FRK: variants seen among roughly 807,000 people sequenced by gnomAD.
FRK encodes the protein tyrosine-protein kinase FRK.
A neutral mutation model predicts 56.4 loss-of-function variants in FRK; 51 were observed. The observed-to-expected ratio is 0.90, with a 90% CI of 0.72 to 1.14. The LOEUF is 1.14. Ranked by LOEUF, FRK falls within the 50% of genes most tolerant of loss-of-function variation. The probability of loss-of-function intolerance (pLI) is 0.00; values close to 1 mark genes in which losing one functional copy is unlikely to be tolerated. For synonymous variants in FRK, 245 were observed against 217.9 expected, an observed-to-expected ratio of 1.12 and a Z score of -1.10; for missense variants, 570 against 601.4, an observed-to-expected ratio of 0.95 and a Z score of 0.55.
At chr6:115,965,182 T>G (rs1389628149) in intron 4 of FRK, among the ~76,000 whole-genome samples, 1 of 143,754 alleles carries the variant, frequency 7.0e-6, no homozygotes, top group Admixed American at 7.1e-5. Flanking sequence ...GAATCTATAA[T>G]GAACTCAAAC....
At chr6:115,995,487 T>G (rs1395638098) in intron 2 of FRK, among the ~76,000 whole-genome samples, 5 of 152,112 alleles carry the variant, frequency 3.3e-5, no homozygotes, top group Admixed American at 3.3e-4. Flanking sequence ...TTGTTATGTT[T>G]TCCTCCAAAT....
At chr6:116,064,834 A>G (rs188474269), upstream of FRK, among the ~76,000 whole-genome samples, 2 of 152,264 alleles carry the variant, frequency 1.3e-5, no homozygotes, top group East Asian at 3.9e-4. Flanking sequence ...ACTTTATCCA[A>G]ACTTTATCAG....
chr6:116,081,922 A>AATAATAATAATC, the FRK span, among the ~76,000 whole-genome samples: 1 of 152,170 alleles, frequency 6.6e-6, no homozygotes, highest in Non-Finnish European at 1.5e-5. Flanking sequence ...GGGAGAGAAT[A>AATAATAATAATC]ATAATAAACA....
chr6:115,994,773 T>G (rs1056209868), intron 2 of FRK, among the ~76,000 whole-genome samples: 8 of 152,006 alleles, frequency 5.3e-5, no homozygotes, highest in African/African-American at 1.9e-4. Flanking sequence ...AATGCCCTTA[T>G]AAGAAGAAAA....
At chr6:116,096,057 A>G in the FRK span, among the ~76,000 whole-genome samples, 2 of 152,266 alleles carry the variant, frequency 1.3e-5, no homozygotes, top group South Asian at 4.1e-4. Context: ...CCTCCTTGTC[A>G]AATTTGGTTC....
intron 1 of FRK, chr6:116,039,482 A>G (rs1008442312): frequency 2.0e-6 from 3 of 1,511,358 alleles, no homozygotes; most frequent in African/African-American, 1.4e-5. Flanking sequence ...GACATCATCA[A>G]TGCCAAACAA....
chr6:116,027,743 A>G (rs536496352), intron 1 of FRK, among the ~76,000 whole-genome samples: 16 of 152,158 alleles, frequency 1.1e-4, no homozygotes, highest in African/African-American at 3.6e-4. Context: ...CAAAAATTAT[A>G]AAAGGGCTTA....
chr6:116,075,547 A>G, the FRK span, among the ~76,000 whole-genome samples: 123 of 151,360 alleles, frequency 8.1e-4, no homozygotes, highest in South Asian at 1.7e-3. Flanking sequence ...TGATTGTTTC[A>G]GTCAAAGGAT....
intron 2 of FRK, among the ~76,000 whole-genome samples, chr6:115,977,223 T>A (rs1193022185): frequency 1.3e-5 from 2 of 152,190 alleles, no homozygotes; most frequent in Non-Finnish European, 2.9e-5. Flanking sequence ...AATGTTACAC[T>A]GAATTCTCTT....
chr6:116,017,558 T>C (rs79983863), intron 1 of FRK, among the ~76,000 whole-genome samples: 6,819 of 152,300 alleles, frequency 0.045, 217 homozygotes, highest in Non-Finnish European at 0.065. Flanking sequence ...CTGCTAAGTT[T>C]AATTTGTCGA....
At chr6:116,035,697 T>C (rs1273955543) in intron 1 of FRK, among the ~76,000 whole-genome samples, 5 of 152,120 alleles carry the variant, frequency 3.3e-5, no homozygotes, top group Non-Finnish European at 5.9e-5. Flanking sequence ...TATCAACTCA[T>C]TGGCTTATTA....
rs1250579022 is a variant in FRK at position 115,941,344 on chromosome 6, G to C, written c.*1070C>G. The stretch of plus-strand genomic sequence containing the variant: ...AACATCACATACTGGGGCCTGTCAG[G>C]GGATGGAGGGCTAGGGGAGGAACAG... On this transcript the variant is annotated 3_prime_UTR_variant, in exon 8 of 8. Transcript: ENST00000606080. 2.0e-5 allele frequency: 3 copies of C among 152,074 alleles called. No homozygotes were observed. Among genetic ancestry groups the C allele is most frequent in the African/African-American group, 7.2e-5 (3 of 41,380 alleles). 9.4% of individuals were successfully genotyped at this position (152,074 alleles called of 1,614,324 possible).
intron 1 of FRK, among the ~76,000 whole-genome samples, chr6:116,037,596 C>T (rs964642859): frequency 2.6e-5 from 4 of 152,192 alleles, no homozygotes; most frequent in Non-Finnish European, 5.9e-5. Context: ...CCAGCCTTCC[C>T]TCAGCTACTG....
chr6:116,095,966 T>C, the FRK span, among the ~76,000 whole-genome samples: 6 of 152,336 alleles, frequency 3.9e-5, no homozygotes, highest in African/African-American at 1.4e-4. Flanking sequence ...ACCTCTGGAA[T>C]TGGGTGACAT....
intron 7 of FRK, 123 bp downstream of exon 7, chr6:115,942,897 C>T: frequency 1.1e-6 from 1 of 935,748 alleles, no homozygotes; most frequent in Non-Finnish European, 1.6e-6. Context: ...ATCTATCAAG[C>T]TCCCGCAGGT....
At chr6:115,992,764 A>T (rs763233318) in intron 2 of FRK, among the ~76,000 whole-genome samples, 6 of 151,772 alleles carry the variant, frequency 4.0e-5, no homozygotes, top group Admixed American at 6.6e-5. Flanking sequence ...AAAGTAATAC[A>T]AACGATTAGA....
rs1446767845 is a variant in FRK at position 115,941,353 on chromosome 6, G to C, written c.*1061C>G. 1 of 152,134 alleles carries C rather than the reference G, an allele frequency of 6.6e-6. No individual in the cohort carries two copies. The highest frequency in any genetic ancestry group is 1.5e-5 in the Non-Finnish European group (1 of 68,058). The allele number at this position is 152,134 out of a possible 1,614,324, so 9.4% of individuals were successfully genotyped here. A position where few individuals can be genotyped will look rare whatever the true frequency, so the allele number is the denominator to read the frequency against. ...TACTGGGGCCTGTCAGGGGATGGAG[G>C]GCTAGGGGAGGAACAGCACTAGGAG... is the stretch of plus-strand genomic sequence containing the variant. On this transcript the variant is annotated 3_prime_UTR_variant, in exon 8 of 8. Coordinates refer to ENST00000606080, the MANE Select transcript of FRK (RefSeq NM_002031.3).
chr6:115,944,990 G>C (rs1419933332), intron 5 of FRK, among the ~76,000 whole-genome samples: 1 of 152,092 alleles, frequency 6.6e-6, no homozygotes, highest in Non-Finnish European at 1.5e-5. Context: ...TCCTGCATTA[G>C]TTTGCTAAGG....
intron 1 of FRK, among the ~76,000 whole-genome samples, chr6:116,039,891 T>G (rs1776646859): frequency 6.7e-6 from 1 of 149,306 alleles, no homozygotes; most frequent in African/African-American, 2.5e-5. Flanking sequence ...CCCGCGCCTG[T>G]GTGTGCTGTG....
Sources: allele counts gnomAD v4.1 joint callset (sites outside exome capture counted in the v4.1 genomes callset), GRCh38; gene constraint gnomAD v4.1.1; transcripts MANE v1.5; gene names NCBI Gene and HGNC (gene_info 2026-07-23, HGNC 2026-07-21).